DACH2: variants seen among roughly 807,000 people sequenced by gnomAD.
The protein encoded by DACH2 is dachshund homolog 2.
In DACH2, 17 loss-of-function variants were observed where a neutral mutation model predicts 35.8. The ratio of observed to expected loss-of-function variants is 0.48; its 90% CI spans 0.33 to 0.71. The LOEUF is 0.71. DACH2 is among the 30% of genes least tolerant of loss of function. The pLI is 0.02. For synonymous variants in DACH2, 195 were observed against 177.3 expected, an observed-to-expected ratio of 1.10 and a Z score of -0.79; for missense variants, 469 against 472.7, an observed-to-expected ratio of 0.99 and a Z score of 0.07.
intron 5 of DACH2, among the ~76,000 whole-genome samples, chrX:86,695,579 C>T (rs1282750120): frequency 2.8e-5 from 3 of 107,327 alleles, no homozygotes; most frequent in Admixed American, 1.0e-4. Flanking sequence ...GGCGTGATCG[C>T]GGCTCATTGC....
rs776077082 is a variant in DACH2 at position 86,761,900 on chromosome X, G to A, written c.1240+22018G>A. ...AAAAGGCTGATTCTTGGGCCTCCACGTGGCTTGCTTAGATGCTAGGACTAG... is the reference window on the plus strand; with the variant it reads ...AAAAGGCTGATTCTTGGGCCTCCACATGGCTTGCTTAGATGCTAGGACTAG... On this transcript the variant is annotated intron_variant, in intron 7 of 11. Transcript: ENST00000373125. 4.1e-5 allele frequency among the ~76,000 whole-genome samples: 4 copies of A among 96,885 alleles called. No homozygotes were observed. In the South Asian group the frequency reaches 1.9e-3, roughly 47 times the overall value. The allele number at this position is 96,885 out of a possible 115,157, so 84.1% of individuals were successfully genotyped here. A position where few individuals can be genotyped will look rare whatever the true frequency, so the allele number is the denominator to read the frequency against.
In DACH2 at chrX:86,149,114, A is replaced by G; in HGVS notation, c.488+6A>G. 2 of 1,171,117 alleles carry G rather than the reference A, an allele frequency of 1.7e-6. No individual in the cohort carries two copies. The highest frequency in any genetic ancestry group is 2.3e-6 in the Non-Finnish European group (2 of 874,250). On this transcript the variant is annotated splice_donor_region_variant and intron_variant, in intron 1 of 11. Coordinates refer to ENST00000373125, the MANE Select transcript of DACH2 (RefSeq NM_053281.3). ...ACCGATTGCACCAATGCCAGGTGAG[A>G]CACTCGTTTCTTGGCTCTCCCACTT...
At chrX:86,433,499 T>C (rs988908393) in intron 2 of DACH2, among the ~76,000 whole-genome samples, 2 of 112,263 alleles carry the variant, frequency 1.8e-5, no homozygotes, top group African/African-American at 6.5e-5. Context: ...GTAACATTTC[T>C]TTTCTTCCTT....
chrX:86,208,039 A>G (rs1160926925), intron 1 of DACH2, among the ~76,000 whole-genome samples: 2 of 110,824 alleles, frequency 1.8e-5, no homozygotes, highest in Non-Finnish European at 3.8e-5. Context: ...AACACAACCC[A>G]TCCCAGCAGG....
intron 3 of DACH2, among the ~76,000 whole-genome samples, chrX:86,533,037 T>TTTTATTTATTTA (rs1017295547): frequency 9.0e-6 from 1 of 111,121 alleles, no homozygotes; most frequent in Non-Finnish European, 1.9e-5. Flanking sequence ...ACTTACATTG[T>TTTTATTTATTTA]TTTATTTATT....
chrX:86,442,227 G>A lies in DACH2; in HGVS notation c.527+65365G>A, dbSNP rs573036686. Among the ~76,000 whole-genome samples the A allele has an allele frequency of 1.2e-4, 13 of 109,714 alleles. No homozygotes were observed. The South Asian group carries it at 5.0e-3, about 42-fold the overall frequency. On this transcript the variant is annotated intron_variant, in intron 2 of 11. Transcript: ENST00000373125. ...TTTGGGTGAAGTGATCGCTCATTGT[G>A]GCTTTGATTTCCATTTACATTGTGG...
At chrX:86,479,316 A>G (rs777785759) in intron 2 of DACH2, among the ~76,000 whole-genome samples, 8 of 110,732 alleles carry the variant, frequency 7.2e-5, no homozygotes, top group Admixed American at 6.7e-4. Flanking sequence ...GCGTGAAAAC[A>G]GGAGTGCCTG....
intron 1 of DACH2, among the ~76,000 whole-genome samples, chrX:86,338,857 G>C (rs1206915123): frequency 9.0e-6 from 1 of 111,635 alleles, no homozygotes; most frequent in Non-Finnish European, 1.9e-5. Context: ...GAATCAAATA[G>C]ATGCAATAAA....
Position 86,331,780 on chromosome X carries a change from G to A in DACH2, c.489-45044G>A, listed in dbSNP as rs150540047. On this transcript the variant is annotated intron_variant, in intron 1 of 11. Transcript: ENST00000373125. The stretch of plus-strand genomic sequence containing the variant: ...TTTCAACTTGCAGTGTATGTGATGG[G>A]TTTGATATGGGGAGGAAGATTAGAG... Among the ~76,000 whole-genome samples, 88 of 111,231 alleles carry A rather than the reference G, an allele frequency of 7.9e-4. 2 individuals are homozygous for A. In the East Asian group the frequency reaches 0.023, roughly 29 times the overall value.
chrX:86,177,457 A>G (rs242856), intron 1 of DACH2, among the ~76,000 whole-genome samples: 57,754 of 110,699 alleles, frequency 0.52, 12,858 homozygotes, highest in African/African-American at 0.86. Flanking sequence ...CTGTGACCTT[A>G]GAGGTTTGGT....
intron 2 of DACH2, among the ~76,000 whole-genome samples, chrX:86,409,885 C>A (rs1197442295): frequency 8.9e-6 from 1 of 112,058 alleles, no homozygotes; most frequent in Non-Finnish European, 1.9e-5. Flanking sequence ...ATAAAAGCAA[C>A]TGAAAACTTG....
intron 1 of DACH2, among the ~76,000 whole-genome samples, chrX:86,266,985 A>G (rs1445766758): frequency 8.9e-6 from 1 of 111,917 alleles, no homozygotes; most frequent in African/African-American, 3.2e-5. Context: ...ATACTTTTGA[A>G]ATTATATTTT....
chrX:86,221,876 G>C (rs2032719822), intron 1 of DACH2, among the ~76,000 whole-genome samples: 1 of 112,105 alleles, frequency 8.9e-6, no homozygotes, highest in Admixed American at 9.5e-5. Context: ...TTTTATTGAG[G>C]CCTTTCTCCT....
intron 1 of DACH2, among the ~76,000 whole-genome samples, chrX:86,263,732 G>C (rs1158847580): frequency 4.5e-5 from 5 of 111,481 alleles, no homozygotes; most frequent in Admixed American, 1.9e-4. Context: ...GTTCTTCTCT[G>C]TGTGAATCTA....
At chrX:86,553,095 A>T (rs1382232880) in intron 3 of DACH2, among the ~76,000 whole-genome samples, 1 of 111,136 alleles carries the variant, frequency 9.0e-6, no homozygotes, top group Non-Finnish European at 1.9e-5. Context: ...GTCCCACAAT[A>T]GGCCATATGA....
At chrX:86,736,522 A>C (rs1232963530) in intron 6 of DACH2, among the ~76,000 whole-genome samples, 1 of 111,251 alleles carries the variant, frequency 9.0e-6, no homozygotes, top group African/African-American at 3.3e-5. Flanking sequence ...TTTTTTCTTA[A>C]TATTAGTTAA....
chrX:86,377,576 A>G (rs2035987753), intron 2 of DACH2, among the ~76,000 whole-genome samples: 1 of 110,435 alleles, frequency 9.1e-6, no homozygotes, highest in Admixed American at 9.7e-5. Flanking sequence ...AAAGGAGGGG[A>G]ACCCATGATC....
chrX:86,566,074 A>G (rs1018713516), intron 3 of DACH2, among the ~76,000 whole-genome samples: 1 of 111,982 alleles, frequency 8.9e-6, no homozygotes, highest in Non-Finnish European at 1.9e-5. Flanking sequence ...GTATGTACAT[A>G]TTATTTTGGC....
chrX:86,476,819 T>G (rs1186757962), intron 2 of DACH2, among the ~76,000 whole-genome samples: 1 of 111,484 alleles, frequency 9.0e-6, no homozygotes, highest in Non-Finnish European at 1.9e-5. Context: ...TTGTTTTTGC[T>G]GTATCCCACA....
Sources: gnomAD v4.1 joint callset for allele counts (sites outside exome capture counted in the v4.1 genomes callset) on GRCh38, gnomAD v4.1.1 for gene constraint, MANE v1.5 for transcripts, NCBI Gene and HGNC (gene_info 2026-07-23, HGNC 2026-07-21) for gene names.